The following NPC1 variants were observed in gnomAD, a reference collection of about 807,000 sequenced individuals.
NPC1 encodes NPC intracellular cholesterol transporter 1.
A neutral mutation model predicts 140.4 loss-of-function variants in NPC1; 85 were observed. The ratio of observed to expected loss-of-function variants is 0.61; its 90% confidence interval spans 0.51 to 0.72. NPC1 has a LOEUF of 0.72. NPC1 is among the 30% of genes least tolerant of loss of function. NPC1 has a pLI of 0.00. For synonymous variants in NPC1, 656 were observed against 624.8 expected (o/e 1.05, Z -0.74); for missense variants, 1,504 against 1,623.8 (o/e 0.93, Z 1.27).
chr18:23,571,461 A>G (rs1167051376), intron 3 of NPC1, among the ~76,000 whole-genome samples: 5 of 152,004 alleles, frequency 3.3e-5, no homozygotes, highest in Non-Finnish European at 7.4e-5. Context: ...GTTTGAGACC[A>G]GCCTGGCCAA....
At chr18:23,535,253 TC>T (rs2058610505) in intron 22 of NPC1, among the ~76,000 whole-genome samples, 1 of 152,100 alleles carries the variant, frequency 6.6e-6, no homozygotes, top group Non-Finnish European at 1.5e-5. Context: ...GTGCCTATGC[TC>T]CCAGATGTCC....
chr18:23,567,806 G>T (rs1482589037), intron 4 of NPC1, among the ~76,000 whole-genome samples: 1 of 152,172 alleles, frequency 6.6e-6, no homozygotes, highest in Non-Finnish European at 1.5e-5. Flanking sequence ...GTAAGTGGTG[G>T]AGTACATTAG....
At chr18:23,511,185 A>T (rs2057849233) in intron 3 of NPC1, among the ~76,000 whole-genome samples, 2 of 152,240 alleles carry the variant, frequency 1.3e-5, no homozygotes, top group African/African-American at 4.8e-5. Context: ...GGGAACATGG[A>T]TGGAGCTGGA....
chr18:23,520,221 T>C, downstream of NPC1: 1 of 1,614,084 alleles, frequency 6.2e-7, no homozygotes, highest in Non-Finnish European at 8.5e-7. Flanking sequence ...ATATTCGATA[T>C]CAAGTTACGG....
chr18:23,577,562 C>T (rs956764949), intron 1 of NPC1, among the ~76,000 whole-genome samples: 1 of 152,216 alleles, frequency 6.6e-6, no homozygotes, highest in Non-Finnish European at 1.5e-5. Flanking sequence ...GCCCAGCTGG[C>T]TTCACCTAGT....
At chr18:23,582,225 C>T (rs1257724103) in intron 1 of NPC1, 1 of 152,092 alleles carries the variant, frequency 6.6e-6, no homozygotes, top group African/African-American at 2.4e-5. Flanking sequence ...CCTCTTGTGA[C>T]CTAAGCAAGG....
At chr18:23,537,280 C>T (rs1429666390) in intron 20 of NPC1, among the ~76,000 whole-genome samples, 2 of 152,160 alleles carry the variant, frequency 1.3e-5, no homozygotes, top group Non-Finnish European at 2.9e-5. Context: ...CCATGTTGGC[C>T]TGGCTAGTCT....
At chr18:23,527,863 T>C, downstream of NPC1, 1 of 1,614,042 alleles carries the variant, frequency 6.2e-7, no homozygotes, top group East Asian at 2.2e-5. Flanking sequence ...CAACCATGAG[T>C]ATAAAAAGTA....
In NPC1 at chr18:23,534,490, G is replaced by T. The variant is rs755029556; in HGVS notation, c.3547C>A (p.Arg1183Ser). The T allele has an allele frequency of 6.2e-7, 1 of 1,614,028 alleles. No homozygotes were observed. The change falls in exon 23 of 25, where the codon CGC (arginine) becomes AGC (serine). Residue 1183 changes from arginine (R) to serine (S), a missense_variant. Arg to Ser is a moderately radical substitution (Grantham distance 110). Transcript: ENST00000269228. ...RAFTVSMKGS[R>S]VERAEEALAH... is the part of the protein sequence containing the mutation. ...AGTGCCTCTTCCGCGCGCTCCACGC[G>T]GCTGCCTTTCATGCTCACCGTGAAC... is the stretch of plus-strand genomic sequence containing the variant.
chr18:23,531,485 G>A lies in NPC1; in HGVS notation c.*717C>T, dbSNP rs1470520701. On this transcript the variant is annotated 3_prime_UTR_variant, in exon 25 of 25. Coordinates refer to ENST00000269228, the MANE Select transcript of NPC1 (RefSeq NM_000271.5). ...TGTATTTGTCTCTCAAAGCAGATAG[G>A]GTAACCCCAAAACTTAGGAAAACAA... The A allele has an allele frequency of 3.5e-6, 5 of 1,448,336 alleles. No homozygotes were observed. In the African/African-American group the frequency reaches 7.2e-5, roughly 21 times the overall value. 89.7% of individuals were successfully genotyped at this position (1,448,336 alleles called of 1,614,324 possible).
At position 23,586,317 on chromosome 18, in the gene NPC1, G is replaced by A; in HGVS notation, c.27C>T (p.Gly9=). 1.3e-6 allele frequency: 2 copies of A among 1,534,060 alleles called. No individual in the cohort carries two copies. Among genetic ancestry groups the A allele is most frequent in the South Asian group, 1.2e-5 (1 of 83,910 alleles). Reference sequence around the variant, plus strand: ...CTGGACACAGTAGCAGCAGGAGGAGGCCAAGGGCCAGGCCGCGAGCGGTCA... The same window carrying A: ...CTGGACACAGTAGCAGCAGGAGGAGACCAAGGGCCAGGCCGCGAGCGGTCA... MTARGLAL[G]LLLLLLCPAQ... Residue 9 remains glycine, a synonymous_variant, in exon 1 of 25, where the codon GGC becomes GGT. Transcript: ENST00000269228.
intron 6 of NPC1, among the ~76,000 whole-genome samples, chr18:23,559,115 T>C (rs2058998589): frequency 6.6e-6 from 1 of 152,206 alleles, no homozygotes; most frequent in Non-Finnish European, 1.5e-5. Flanking sequence ...CTTAATCCAG[T>C]CTATCGTTGT....
At position 23,537,138 on chromosome 18, in the gene NPC1, G is replaced by A. The variant is rs574483193; in HGVS notation, c.3042-262C>T. The stretch of plus-strand genomic sequence containing the variant: ...GGCTGGAGTGCAGTGGCGTGATCTC[G>A]GCTCACTGCAACCTCCACCTCCCGG... On this transcript the variant is annotated intron_variant, in intron 20 of 24. Transcript: ENST00000269228. Among the ~76,000 whole-genome samples the A allele has an allele frequency of 1.7e-3, 258 of 151,978 alleles. 1 individual carries two copies. The highest frequency in any genetic ancestry group is 5.5e-3 in the African/African-American group (226 of 41,424).
At chr18:23,579,323 T>C (rs977236554) in intron 1 of NPC1, among the ~76,000 whole-genome samples, 18 of 152,202 alleles carry the variant, frequency 1.2e-4, no homozygotes, top group African/African-American at 4.1e-4. Flanking sequence ...AAATTCCCTA[T>C]TGTATTACAT....
Position 23,540,523 on chromosome 18 carries a change from C to G in NPC1, c.2529G>C (p.Val843=). The change falls in exon 17 of 25, where the codon GTG becomes GTC. Residue 843 remains valine (V), a synonymous_variant. Coordinates refer to ENST00000269228, the MANE Select transcript of NPC1 (RefSeq NM_000271.5). ...CTGCGATGCTGAATGACAGAACACCCACAAATATTGCTATCTGGAACAACA... is the reference window on the plus strand; with the variant it reads ...CTGCGATGCTGAATGACAGAACACCGACAAATATTGCTATCTGGAACAACA... The part of the protein sequence containing the change: ...WMRPIVIAIF[V]GVLSFSIAVL... The G allele has an allele frequency of 6.2e-7, 1 of 1,611,340 alleles. No individual in the cohort carries two copies.
At position 23,586,385 on chromosome 18, in the gene NPC1, T is replaced by G; in HGVS notation, c.-42A>C. On this transcript the variant is annotated 5_prime_UTR_variant, in exon 1 of 25. Transcript: ENST00000269228. The stretch of plus-strand genomic sequence containing the variant: ...GCTGCTGACGCCGGCGGCGTTCGGC[T>G]GGTTGGGCTCCCCGGAGGCGGCTCT... 1 of 1,530,536 alleles carries G rather than the reference T, an allele frequency of 6.5e-7. No individual in the cohort carries two copies. The highest frequency in any genetic ancestry group is 1.4e-5 in the African/African-American group (1 of 72,408). The allele number at this position is 1,530,536 out of a possible 1,614,324, so 94.8% of individuals were successfully genotyped here. A position where few individuals can be genotyped will look rare whatever the true frequency, so the allele number is the denominator to read the frequency against.
At chr18:23,577,455 A>G (rs1231590157) in intron 1 of NPC1, among the ~76,000 whole-genome samples, 3 of 150,636 alleles carry the variant, frequency 2.0e-5, no homozygotes, top group Non-Finnish European at 4.4e-5. Context: ...TGATTGGTGC[A>G]CTCACAAACC....
intron 3 of NPC1, chr18:23,508,868 T>C (rs2145140339): frequency 6.3e-6 from 1 of 158,558 alleles, no homozygotes; most frequent in South Asian, 2.0e-4. Context: ...TTTTATAACG[T>C]GGGTGACTAA....
chr18:23,516,554 G>T, intron 3 of NPC1: 1 of 868,856 alleles, frequency 1.2e-6, no homozygotes, highest in African/African-American at 1.7e-5. Context: ...CCTTGTTCTG[G>T]GTATTCAGTG....
Sources: allele counts gnomAD v4.1 joint callset (sites outside exome capture counted in the v4.1 genomes callset), GRCh38; gene constraint gnomAD v4.1.1; transcripts MANE v1.5; gene names NCBI Gene and HGNC (gene_info 2026-07-23, HGNC 2026-07-21).